The following MAD1L1 variants were observed in gnomAD, a reference collection of about 807,000 sequenced individuals.
MAD1L1 encodes the protein mitotic arrest deficient 1 like 1.
Under a neutral mutation model 96.9 loss-of-function variants are expected in MAD1L1, and 95 were observed. The observed-to-expected ratio is 0.98, with a 90% confidence interval of 0.83 to 1.16. MAD1L1 has a LOEUF of 1.16. Among genes scored for constraint, MAD1L1 ranks in the 50% most tolerant of loss-of-function variants. The pLI is 0.00. For missense variants in MAD1L1, 1,007 were observed against 954.4 expected, an observed-to-expected ratio of 1.06 and a Z score of -0.73; for synonymous variants, 473 against 396.6, an observed-to-expected ratio of 1.19 and a Z score of -2.29.
intron 11 of MAD1L1, among the ~76,000 whole-genome samples, chr7:2,115,193 C>G (rs1032615515): frequency 1.4e-4 from 22 of 152,272 alleles, no homozygotes; most frequent in Non-Finnish European, 2.4e-4. Context: ...GGCTCAGGAC[C>G]CTTCCCAGCA....
intron 12 of MAD1L1, among the ~76,000 whole-genome samples, chr7:2,048,909 C>G (rs1223633317): frequency 3.3e-5 from 5 of 152,220 alleles, no homozygotes; most frequent in Non-Finnish European, 5.9e-5. Flanking sequence ...CAGCCACTGA[C>G]CGCGTCAACC....
intron 12 of MAD1L1, among the ~76,000 whole-genome samples, chr7:2,024,896 T>G (rs1782935285): frequency 6.6e-6 from 1 of 152,200 alleles, no homozygotes; most frequent in South Asian, 2.1e-4. Context: ...ATGATACCAA[T>G]TCTCCAAAAT....
chr7:2,083,350 C>G (rs1266207502), intron 11 of MAD1L1, among the ~76,000 whole-genome samples: 1 of 152,170 alleles, frequency 6.6e-6, no homozygotes, highest in Admixed American at 6.5e-5. Context: ...AATGCCAGCT[C>G]TAAGCAGTTT....
intron 11 of MAD1L1, among the ~76,000 whole-genome samples, chr7:2,137,855 T>C (rs567247698): frequency 6.6e-6 from 1 of 152,308 alleles, no homozygotes; most frequent in Admixed American, 6.5e-5. Flanking sequence ...GAGGTGGACG[T>C]ATGGGGCAAC....
At chr7:1,917,252 A>G (rs1788467479) in intron 17 of MAD1L1, among the ~76,000 whole-genome samples, 1 of 152,166 alleles carries the variant, frequency 6.6e-6, no homozygotes, top group African/African-American at 2.4e-5. Flanking sequence ...CACTGCCAGC[A>G]CATGGGCCTC....
intron 17 of MAD1L1, among the ~76,000 whole-genome samples, chr7:1,906,574 G>A (rs766195505): frequency 1.4e-4 from 21 of 152,320 alleles, no homozygotes; most frequent in Middle Eastern, 3.4e-3. Flanking sequence ...AGATTGTGGC[G>A]TCCACAGAGC....
chr7:2,084,335 C>T lies in MAD1L1; in HGVS notation c.1074-14997G>A, dbSNP rs570625439. ...CCGCCACAGAGACAGCCACGGGCAG[C>T]GCGAGGCCAGGAATGCCAAGGGCCA... On this transcript the variant is annotated intron_variant, in intron 11 of 18. Coordinates refer to ENST00000265854, the MANE Select transcript of MAD1L1 (RefSeq NM_001013836.2). Among the ~76,000 whole-genome samples the T allele has an allele frequency of 1.3e-3, 199 of 152,344 alleles. 1 individual carries two copies. The highest frequency in any genetic ancestry group is 2.5e-3 in the Admixed American group (39 of 15,314).
At chr7:1,855,075 C>G (rs1484123588) in intron 18 of MAD1L1, among the ~76,000 whole-genome samples, 1 of 152,188 alleles carries the variant, frequency 6.6e-6, no homozygotes, top group Non-Finnish European at 1.5e-5. Flanking sequence ...TTTTCCGAAC[C>G]ACCTTCAGGG....
At chr7:1,926,309 C>G (rs754382561) in intron 17 of MAD1L1, among the ~76,000 whole-genome samples, 2 of 152,190 alleles carry the variant, frequency 1.3e-5, no homozygotes, top group Non-Finnish European at 2.9e-5. Flanking sequence ...GCAAATTCTA[C>G]AAAACATTTA....
intron 15 of MAD1L1, among the ~76,000 whole-genome samples, chr7:1,971,047 C>T (rs62442943): frequency 1.8e-4 from 28 of 152,276 alleles, no homozygotes; most frequent in Admixed American, 3.9e-4. Context: ...GAGATGCATG[C>T]AGTGCCACCC....
At chr7:2,144,732 G>A (rs964379599) in intron 11 of MAD1L1, among the ~76,000 whole-genome samples, 11 of 152,050 alleles carry the variant, frequency 7.2e-5, no homozygotes, top group Admixed American at 3.3e-4. Context: ...TGTGTGAAGC[G>A]TGAGCAGAGG....
intron 18 of MAD1L1, among the ~76,000 whole-genome samples, chr7:1,827,717 C>T (rs1185817632): frequency 1.1e-5 from 1 of 92,584 alleles, no homozygotes; most frequent in African/African-American, 4.2e-5. Context: ...GGGGCCTCCC[C>T]TCCTGAGCCC....
chr7:2,137,036 C>A (rs1301202485), intron 11 of MAD1L1, among the ~76,000 whole-genome samples: 11 of 152,220 alleles, frequency 7.2e-5, no homozygotes, highest in Admixed American at 7.2e-4. Flanking sequence ...CCTCAGTCTC[C>A]CCAGATAGCA....
chr7:1,955,762 G>A (rs954700481), intron 16 of MAD1L1, among the ~76,000 whole-genome samples: 4 of 152,164 alleles, frequency 2.6e-5, no homozygotes, highest in African/African-American at 9.7e-5. Flanking sequence ...TGGTTGTTGG[G>A]CAGGGGCTAT....
intron 18 of MAD1L1, among the ~76,000 whole-genome samples, chr7:1,887,141 G>A (rs1413655732): frequency 6.6e-6 from 1 of 152,168 alleles, no homozygotes; most frequent in African/African-American, 2.4e-5. Context: ...TGCTTTCCCT[G>A]CCTCCTCTGG....
In MAD1L1 at chr7:1,869,502, C is replaced by T. The variant is rs1302218674; in HGVS notation, c.1998+28698G>A. Among the ~76,000 whole-genome samples the T allele has an allele frequency of 2.0e-5, 3 of 151,654 alleles. No individual in the cohort carries two copies. In the Admixed American group the frequency reaches 2.0e-4, roughly 10 times the overall value. On this transcript the variant is annotated intron_variant, in intron 18 of 18. Coordinates refer to ENST00000265854, the MANE Select transcript of MAD1L1 (RefSeq NM_001013836.2). ...TGCAGCTGGGAGCAGGTGACCTCCC[C>T]AGGGCCCTCTTCCCAGCGCCTTTGC...
rs755414738 is a variant in MAD1L1, at chr7:2,215,927, C to T, written c.882G>A (p.Glu294=). 3.1e-6 allele frequency: 5 copies of T among 1,614,112 alleles called. No individual in the cohort carries two copies. The Admixed American group carries it at 8.3e-5, about 27-fold the overall frequency. ...EGLQRKLGRQ[E]KMQETLVGLE... is the part of the protein sequence containing the mutation. ...AGCCAACCAGCGTCTCCTGCATCTT[C>T]TCCTGGCGCCCCAGCTTCCTCTGCA... is the stretch of plus-strand genomic sequence containing the variant. Residue 294 remains glutamate, a synonymous_variant, in exon 9 of 19, where the codon GAG becomes GAA. Transcript: ENST00000265854.
intron 15 of MAD1L1, among the ~76,000 whole-genome samples, chr7:1,959,670 T>G (rs1779872056): frequency 6.6e-6 from 1 of 151,914 alleles, no homozygotes; most frequent in Admixed American, 6.6e-5. Flanking sequence ...ACGAAAGAAA[T>G]AAAAACCGCC....
At chr7:1,817,775 G>A (rs1781898419) in intron 18 of MAD1L1, among the ~76,000 whole-genome samples, 1 of 152,088 alleles carries the variant, frequency 6.6e-6, no homozygotes, top group Non-Finnish European at 1.5e-5. Flanking sequence ...AGCCCTCTGG[G>A]AACCCTCCCC....
Sources: allele counts gnomAD v4.1 joint callset (sites outside exome capture counted in the v4.1 genomes callset), GRCh38; gene constraint gnomAD v4.1.1; transcripts MANE v1.5; gene names NCBI Gene and HGNC (gene_info 2026-07-23, HGNC 2026-07-21).